Variants in DIAPH3 observed in about 807,000 individuals in gnomAD.
DIAPH3 encodes protein diaphanous homolog 3.
A neutral mutation model predicts 144.3 loss-of-function variants in DIAPH3; 117 were observed. The observed-to-expected ratio is 0.81, with a 90% CI of 0.70 to 0.95. The LOEUF (loss-of-function observed/expected upper bound fraction) is 0.95. Ranked by LOEUF, DIAPH3 falls within the 40% of genes least tolerant of loss-of-function variation. DIAPH3 has a pLI of 0.00. For missense variants in DIAPH3, 1,421 were observed against 1,412.7 expected (o/e 1.01, Z -0.09); for synonymous variants, 519 against 488.9 (o/e 1.06, Z -0.81).
At chr13:60,011,836 C>A (rs1318977122) in intron 7 of DIAPH3, among the ~76,000 whole-genome samples, 1 of 152,026 alleles carries the variant, frequency 6.6e-6, no homozygotes, top group East Asian at 1.9e-4. Context: ...ATAAATGAGA[C>A]GATTGGGATT....
chr13:60,034,876 C>T (rs578048385), intron 5 of DIAPH3: 26 of 152,248 alleles, frequency 1.7e-4, no homozygotes, highest in African/African-American at 6.3e-4. Flanking sequence ...TCTAGACATA[C>T]ATGAGCTCTC....
At chr13:59,912,161 C>A (rs1187983947) in intron 19 of DIAPH3, among the ~76,000 whole-genome samples, 1 of 152,142 alleles carries the variant, frequency 6.6e-6, no homozygotes, top group Non-Finnish European at 1.5e-5. Context: ...TGATCCATTA[C>A]ATTTCAGCTT....
At chr13:59,778,894 A>T (rs780170418) in intron 25 of DIAPH3, among the ~76,000 whole-genome samples, 1 of 152,218 alleles carries the variant, frequency 6.6e-6, no homozygotes, top group Non-Finnish European at 1.5e-5. Flanking sequence ...AGTTCTTACA[A>T]TATAAAGTTC....
In DIAPH3 at chr13:60,002,622, C is replaced by T. The variant is rs149890480; in HGVS notation, c.1014+5922G>A. The stretch of plus-strand genomic sequence containing the variant: ...AAGTGGCAGATCGTCTAAGACCATT[C>T]ATGTTCCTGACCCTCCCATCAGCAA... On this transcript the variant is annotated intron_variant, in intron 9 of 27. Transcript: ENST00000400324. 3.3e-3 allele frequency among the ~76,000 whole-genome samples: 497 copies of T among 152,286 alleles called. 4 individuals carry two copies. Among genetic ancestry groups the T allele is most frequent in the Middle Eastern group, 0.02 (6 of 294 alleles).
intron 21 of DIAPH3, among the ~76,000 whole-genome samples, chr13:59,863,192 G>A (rs2043705249): frequency 6.6e-6 from 1 of 152,040 alleles, no homozygotes; most frequent in South Asian, 2.1e-4. Context: ...TATTGGCAAG[G>A]AGGAGTGGTA....
intron 27 of DIAPH3, among the ~76,000 whole-genome samples, chr13:59,748,218 C>G (rs1431501499): frequency 3.3e-5 from 5 of 152,190 alleles, no homozygotes; most frequent in Non-Finnish European, 7.4e-5. Context: ...AACCTACATT[C>G]CAGTTTTAGG....
At chr13:60,023,625 G>A (rs1232864450) in intron 5 of DIAPH3, among the ~76,000 whole-genome samples, 1 of 151,562 alleles carries the variant, frequency 6.6e-6, no homozygotes, top group Non-Finnish European at 1.5e-5. Flanking sequence ...GTAGAGACAG[G>A]GTTTCACCAT....
At chr13:60,068,248 G>C (rs2141333496) in intron 4 of DIAPH3, among the ~76,000 whole-genome samples, 1 of 152,218 alleles carries the variant, frequency 6.6e-6, no homozygotes, top group South Asian at 2.1e-4. Context: ...TTGGGTCAAT[G>C]AGAATGCATA....
chr13:59,978,525 C>T (rs1403223170), intron 14 of DIAPH3, among the ~76,000 whole-genome samples: 1 of 151,208 alleles, frequency 6.6e-6, no homozygotes. Flanking sequence ...TAAAAACAAC[C>T]ACAGTCATAA....
chr13:59,714,234 C>T (rs1290692700), intron 27 of DIAPH3, among the ~76,000 whole-genome samples: 2 of 150,646 alleles, frequency 1.3e-5, no homozygotes, highest in African/African-American at 4.9e-5. Flanking sequence ...GTGGCGGGCG[C>T]CTGTAGTCCC....
chr13:59,835,418 G>A (rs1473044272), intron 23 of DIAPH3, among the ~76,000 whole-genome samples: 1 of 151,710 alleles, frequency 6.6e-6, no homozygotes, highest in Non-Finnish European at 1.5e-5. Context: ...TTAAAATCTT[G>A]GCTAAGAAAG....
chr13:59,995,753 G>T (rs1260445934), intron 9 of DIAPH3, among the ~76,000 whole-genome samples: 5 of 151,930 alleles, frequency 3.3e-5, no homozygotes, highest in African/African-American at 9.7e-5. Flanking sequence ...TGATAAGTTG[G>T]AAATGCCTAT....
In DIAPH3 at chr13:59,733,432, T is replaced by A. The variant is rs943557315; in HGVS notation, c.3319+40757A>T. Among the ~76,000 whole-genome samples the A allele has an allele frequency of 3.9e-5, 6 of 152,142 alleles. No homozygotes were observed. In the East Asian group the frequency reaches 1.2e-3, roughly 29 times the overall value. On this transcript the variant is annotated intron_variant, in intron 27 of 27. Transcript: ENST00000400324. ...ATGAAAGGTGCTATTGAAAAACTAG[T>A]GTGTAACTTGTGTCTTATCGTCTTA...
In DIAPH3 at chr13:59,793,230, T is replaced by C. The variant is rs117852515; in HGVS notation, c.3163+17558A>G. On this transcript the variant is annotated intron_variant, in intron 25 of 27. Transcript: ENST00000400324. ...AGACAATTTCCTCTACCTGTGCTAG[T>C]ATCTTGTTGTTCTCCACCCCTCCTG... 1.6e-4 allele frequency among the ~76,000 whole-genome samples: 24 copies of C among 152,294 alleles called. No individual in the cohort carries two copies. In the East Asian group the frequency reaches 2.7e-3, roughly 17 times the overall value.
intron 20 of DIAPH3, 56 bp downstream of exon 20, chr13:59,911,679 G>T: frequency 1.6e-6 from 2 of 1,267,474 alleles, no homozygotes; most frequent in South Asian, 1.2e-5. Flanking sequence ...AAAAACAGTT[G>T]ACAGGTTCTC....
At chr13:60,120,277 G>C (rs1405144510) in intron 2 of DIAPH3, among the ~76,000 whole-genome samples, 1 of 152,138 alleles carries the variant, frequency 6.6e-6, no homozygotes, top group Non-Finnish European at 1.5e-5. Flanking sequence ...GTATCACTGT[G>C]GAGAGAAAAA....
At chr13:59,933,164 A>G (rs938075898) in intron 17 of DIAPH3, among the ~76,000 whole-genome samples, 3 of 152,250 alleles carry the variant, frequency 2.0e-5, no homozygotes, top group African/African-American at 7.2e-5. Flanking sequence ...TACCTCTGGT[A>G]AAATACTAGC....
At position 60,042,804 on chromosome 13, in the gene DIAPH3, C is replaced by A; in HGVS notation, c.512G>T (p.Ser171Ile). 4 of 1,613,474 alleles carry A rather than the reference C, an allele frequency of 2.5e-6. No homozygotes were observed. Among genetic ancestry groups the A allele is most frequent in the Non-Finnish European group, 3.4e-6 (4 of 1,179,564 alleles). Residue 171 changes from serine (S) to isoleucine (I), a missense_variant, in exon 5 of 28, where the codon AGC (serine) becomes ATC (isoleucine). Transcript: ENST00000400324. ...GAATTCCTGAGGTGAGATCTGTCGG[C>A]TTCTCTTAAGACTTCCCTATAAAAT... ...TASKTGSLKR[S>I]RQISPQEFIH...
At chr13:59,754,678 T>C (rs2037169998) in intron 27 of DIAPH3, among the ~76,000 whole-genome samples, 1 of 152,180 alleles carries the variant, frequency 6.6e-6, no homozygotes, top group Non-Finnish European at 1.5e-5. Flanking sequence ...AGGTTCCACA[T>C]TAGCTTAATT....
Sources: gnomAD v4.1 joint callset for allele counts (sites outside exome capture counted in the v4.1 genomes callset) on GRCh38, gnomAD v4.1.1 for gene constraint, MANE v1.5 for transcripts, NCBI Gene and HGNC (gene_info 2026-07-23, HGNC 2026-07-21) for gene names.